The following ANXA11 variants were observed in gnomAD, a reference collection of about 807,000 sequenced individuals.
ANXA11 encodes the protein 56 kDa autoantigen.
A neutral mutation model predicts 64.7 loss-of-function variants in ANXA11; 57 were observed. That is an observed-to-expected ratio of 0.88 (90% CI 0.71 to 1.10). ANXA11 has a LOEUF of 1.10. Ranked by LOEUF, ANXA11 falls within the 50% of genes least tolerant of loss-of-function variation. The pLI is 0.00. For missense variants in ANXA11, 675 were observed against 670.7 expected (o/e 1.01, Z -0.07); for synonymous variants, 260 against 265.2 (o/e 0.98, Z 0.19).
rs1564601992 is a variant in ANXA11 at position 80,161,986 on chromosome 10, ACTCGTCTGTTCCCAGGCGGTT to A, written c.1108_1128del (p.Asn370_Glu376del). 1 of 1,612,318 alleles carries A rather than the reference ACTCGTCTGTTCCCAGGCGGTT, an allele frequency of 6.2e-7. No individual in the cohort carries two copies. Among genetic ancestry groups the A allele is most frequent in the African/African-American group, 1.3e-5 (1 of 74,846 alleles). On this transcript the variant is annotated inframe_deletion, in exon 12 of 16. Transcript: ENST00000422982. The stretch of plus-strand genomic sequence containing the variant: ...GAGCACAGAACCGCATTGAACTTGG[ACTCGTCTGTTCCCAGGCGGTT>A]CTCCCCGGCCGCATACAGCTCCTGG...
intron 3 of ANXA11, among the ~76,000 whole-genome samples, chr10:80,172,532 T>C (rs144447159): frequency 6.8e-4 from 103 of 152,278 alleles, no homozygotes; most frequent in African/African-American, 2.3e-3. Flanking sequence ...TTGCCCACTG[T>C]TACTAGAGAG....
intron 6 of ANXA11, 30 bp downstream of exon 6, chr10:80,167,196 G>A: frequency 6.2e-7 from 1 of 1,605,176 alleles, no homozygotes; most frequent in East Asian, 2.2e-5. Flanking sequence ...GGGGCAGGGA[G>A]TAGGATTTGA....
chr10:80,158,407 C>T (rs112836046), intron 13 of ANXA11, among the ~76,000 whole-genome samples: 238 of 152,232 alleles, frequency 1.6e-3, no homozygotes, highest in African/African-American at 5.5e-3. Context: ...ATGGAGAAAC[C>T]GTGGCTGAGT....
chr10:80,191,114 A>C (rs914053045), intron 1 of ANXA11, among the ~76,000 whole-genome samples: 1 of 152,084 alleles, frequency 6.6e-6, no homozygotes, highest in South Asian at 2.1e-4. Flanking sequence ...AATCCCAGCT[A>C]CTCGAGAGGC....
chr10:80,164,188 G>T, intron 8 of ANXA11, 45 bp from the exon 9 acceptor site: 3 of 1,515,650 alleles, frequency 2.0e-6, no homozygotes, highest in Non-Finnish European at 9.2e-7. Flanking sequence ...TGTTCCAGCA[G>T]CCTCACCAGC....
At chr10:80,168,839 C>T (rs868150379) in intron 5 of ANXA11, 130 bp downstream of exon 5, 9 of 1,099,434 alleles carry the variant, frequency 8.2e-6, no homozygotes, top group Middle Eastern at 6.3e-4. Flanking sequence ...ACCCGGCCGA[C>T]ACTATTTGTT....
intron 1 of ANXA11, among the ~76,000 whole-genome samples, chr10:80,197,395 C>A (rs543346021): frequency 1.3e-5 from 2 of 152,210 alleles, no homozygotes; most frequent in African/African-American, 4.8e-5. Context: ...TCCATAGGAG[C>A]CTTATGACCC....
intron 11 of ANXA11, among the ~76,000 whole-genome samples, chr10:80,162,675 A>G (rs1845560618): frequency 6.6e-6 from 1 of 152,220 alleles, no homozygotes; most frequent in Non-Finnish European, 1.5e-5. Context: ...TCTCATTCCA[A>G]TCCCGCAGAT....
intron 7 of ANXA11, chr10:80,166,436 G>C (rs1589424163): frequency 2.0e-6 from 1 of 511,550 alleles, no homozygotes; most frequent in East Asian, 3.3e-5. Flanking sequence ...GAAGCACTGG[G>C]CTAGAACACG....
intron 3 of ANXA11, 95 bp from the exon 4 acceptor site, chr10:80,171,010 C>A: frequency 6.6e-7 from 1 of 1,519,154 alleles, no homozygotes; most frequent in South Asian, 1.2e-5. Flanking sequence ...GAAAGGGAGG[C>A]CCAGTAAAGC....
At chr10:80,167,464 G>A (rs925661510) in intron 5 of ANXA11, 151 bp from the exon 6 acceptor site, 23 of 659,934 alleles carry the variant, frequency 3.5e-5, no homozygotes, top group African/African-American at 1.3e-4. Context: ...AGGACTTTAC[G>A]CCGCGTCTAC....
chr10:80,187,073 T>A (rs1228466342), intron 1 of ANXA11, among the ~76,000 whole-genome samples: 1 of 152,220 alleles, frequency 6.6e-6, no homozygotes, highest in African/African-American at 2.4e-5. Flanking sequence ...TGGAGGACGC[T>A]GAGGTTCTTG....
chr10:80,159,934 C>T (rs1022394763), intron 12 of ANXA11, among the ~76,000 whole-genome samples: 2 of 152,208 alleles, frequency 1.3e-5, no homozygotes, highest in African/African-American at 4.8e-5. Flanking sequence ...GAGGCCCAGC[C>T]TGCCCCAGCC....
chr10:80,170,941 C>A (rs185354075), intron 3 of ANXA11, 26 bp from the exon 4 acceptor site: 11 of 1,573,322 alleles, frequency 7.0e-6, no homozygotes, highest in Middle Eastern at 1.7e-4. Flanking sequence ...AGCCCTTTAG[C>A]CCCCTGCCAG....
intron 3 of ANXA11, among the ~76,000 whole-genome samples, chr10:80,172,212 GC>G (rs1407791105): frequency 6.6e-6 from 1 of 152,116 alleles, no homozygotes; most frequent in African/African-American, 2.4e-5. Flanking sequence ...ACCAAAAGGG[GC>G]CAGGGCCAGA....
At chr10:80,171,017 AAGCCTCG>A (rs761555970) in intron 3 of ANXA11, 102 bp from the exon 4 acceptor site, 9 of 1,520,388 alleles carry the variant, frequency 5.9e-6, no homozygotes, top group East Asian at 2.5e-5. Context: ...AGGCCCAGTA[AAGCCTCG>A]AGCCTCGAGC....
intron 1 of ANXA11, among the ~76,000 whole-genome samples, chr10:80,189,362 C>T (rs961181717): frequency 6.6e-6 from 1 of 152,170 alleles, no homozygotes; most frequent in Non-Finnish European, 1.5e-5. Flanking sequence ...ACAACCCTGC[C>T]AACACCTTCA....
intron 1 of ANXA11, among the ~76,000 whole-genome samples, chr10:80,204,295 G>A (rs1421571638): frequency 2.6e-5 from 4 of 152,230 alleles, no homozygotes; most frequent in African/African-American, 7.2e-5. Flanking sequence ...GAGGAAAGGG[G>A]CCCTGTTAAT....
intron 2 of ANXA11, among the ~76,000 whole-genome samples, chr10:80,174,334 TG>T (rs1471137881): frequency 1.3e-5 from 2 of 152,164 alleles, no homozygotes; most frequent in Non-Finnish European, 2.9e-5. Context: ...TGGAGTGCAA[TG>T]GTGTGATCTC....
Sources: allele counts gnomAD v4.1 joint callset (sites outside exome capture counted in the v4.1 genomes callset), GRCh38; gene constraint gnomAD v4.1.1; transcripts MANE v1.5; gene names NCBI Gene and HGNC (gene_info 2026-07-23, HGNC 2026-07-21).